Variants in SLC39A14 observed in about 807,000 individuals in gnomAD.
SLC39A14 encodes the protein metal cation symporter ZIP14.
A neutral mutation model predicts 45.5 loss-of-function variants in SLC39A14; 19 were observed. That is an observed-to-expected ratio of 0.42 (90% CI 0.29 to 0.61). The LOEUF (loss-of-function observed/expected upper bound fraction) is 0.61, where lower values mean the gene tolerates loss of function less well. Ranked by LOEUF, SLC39A14 falls within the 20% of genes least tolerant of loss-of-function variation. The pLI is 0.22. For missense variants in SLC39A14, 447 were observed against 616.5 expected (o/e 0.73, Z 2.91); for synonymous variants, 264 against 251.3 (o/e 1.05, Z -0.48).
chr8:22,422,257 G>C lies in SLC39A14; in HGVS notation c.*2559G>C, dbSNP rs369656436. The stretch of plus-strand genomic sequence containing the variant: ...TGTATGTCACGTGCAGGAACAGTGA[G>C]GCAGGGACAGGGGTTCTGCTCCTTC... On this transcript the variant is annotated 3_prime_UTR_variant, in exon 9 of 9. Coordinates refer to ENST00000381237, the MANE Select transcript of SLC39A14 (RefSeq NM_001128431.4). The C allele has an allele frequency of 1.0e-6, 1 of 985,416 alleles. No homozygotes were observed. The allele number at this position is 985,416 out of a possible 1,614,324, so 61.0% of individuals were successfully genotyped here.
At chr8:22,396,281 C>T (rs1024278365) in intron 1 of SLC39A14, among the ~76,000 whole-genome samples, 13 of 150,764 alleles carry the variant, frequency 8.6e-5, no homozygotes, top group Admixed American at 4.0e-4. Context: ...GCAGGAGAAT[C>T]GCTTGAACCC....
intron 8 of SLC39A14, among the ~76,000 whole-genome samples, chr8:22,432,158 C>A (rs1013476341): frequency 6.6e-5 from 10 of 152,070 alleles, no homozygotes; most frequent in Middle Eastern, 3.4e-3. Flanking sequence ...TAGGAAGACC[C>A]CCCATCTCTA....
At chr8:22,390,028 AGGAAGC>A (rs1213937947) in intron 1 of SLC39A14, 1 of 157,034 alleles carries the variant, frequency 6.4e-6, no homozygotes, top group African/African-American at 2.4e-5. Context: ...CACGCGTTCC[AGGAAGC>A]GGTCTTGGCT....
rs869157776 is a variant in SLC39A14 at position 22,368,486 on chromosome 8, CTTTTATTTTATTTTA to C, written c.-16+1116_-16+1130del. On this transcript the variant is annotated intron_variant, in intron 1 of 8. Coordinates refer to ENST00000381237, the MANE Select transcript of SLC39A14 (RefSeq NM_001128431.4). The stretch of plus-strand genomic sequence containing the variant: ...ATATACAATTCCGTAATCCTTCCCT[CTTTTATTTTATTTTA>C]TTTTATTTTATTTTATTTTATTTTA... 6.9e-3 allele frequency among the ~76,000 whole-genome samples: 1,015 copies of C among 147,636 alleles called. 7 individuals are homozygous for C. The highest frequency in any genetic ancestry group is 0.011 in the Non-Finnish European group (763 of 66,768).
In SLC39A14 at chr8:22,422,415, A is replaced by G; in HGVS notation, c.*2717A>G. On this transcript the variant is annotated 3_prime_UTR_variant, in exon 9 of 9. Transcript: ENST00000381237. ...AAAAAGAAGGCTTCTCTGTTTGGGT[A>G]GCGTAAGAGCTGAGTATAGTAAGTC... 1.0e-6 allele frequency: 1 copy of G among 985,860 alleles called. No individual in the cohort carries two copies. Among genetic ancestry groups the G allele is most frequent in the Non-Finnish European group, 1.2e-6 (1 of 829,920 alleles). The allele number at this position is 985,860 out of a possible 1,614,324, so 61.1% of individuals were successfully genotyped here.
chr8:22,423,795 T>TCTCC (rs1836332634), downstream of SLC39A14, among the ~76,000 whole-genome samples: 1 of 148,844 alleles, frequency 6.7e-6, no homozygotes, highest in African/African-American at 2.5e-5. Flanking sequence ...TTTCTCTCTC[T>TCTCC]CTCTCTCTCT....
chr8:22,411,688 G>A (rs1835577356), intron 3 of SLC39A14, among the ~76,000 whole-genome samples: 1 of 152,172 alleles, frequency 6.6e-6, no homozygotes, highest in South Asian at 2.1e-4. Flanking sequence ...TGACGAGGCA[G>A]CACCCTGCCC....
At chr8:22,382,672 C>T (rs1395304143) in intron 1 of SLC39A14, among the ~76,000 whole-genome samples, 1 of 152,036 alleles carries the variant, frequency 6.6e-6, no homozygotes, top group Non-Finnish European at 1.5e-5. Flanking sequence ...GACCCTGACT[C>T]TATTTAAAAA....
chr8:22,373,411 G>A (rs2132160338), intron 1 of SLC39A14, among the ~76,000 whole-genome samples: 1 of 152,198 alleles, frequency 6.6e-6, no homozygotes, highest in South Asian at 2.1e-4. Context: ...TATAATAGGT[G>A]TAACTTAAAT....
At chr8:22,384,388 C>T (rs1265890957) in intron 1 of SLC39A14, among the ~76,000 whole-genome samples, 1 of 150,734 alleles carries the variant, frequency 6.6e-6, no homozygotes, top group African/African-American at 2.4e-5. Flanking sequence ...CCTGCCCGCC[C>T]GGGCCTCTCT....
At chr8:22,377,772 G>C (rs1367483542) in intron 1 of SLC39A14, among the ~76,000 whole-genome samples, 1 of 152,126 alleles carries the variant, frequency 6.6e-6, no homozygotes, top group Non-Finnish European at 1.5e-5. Flanking sequence ...ACTCGCCTTT[G>C]AGATGATAAC....
rs869157776 is a variant in SLC39A14, at chr8:22,368,486, C to CTTTTATTTTATTTTATTTTA, written c.-16+1111_-16+1130dup. On this transcript the variant is annotated intron_variant, in intron 1 of 8. Coordinates refer to ENST00000381237, the MANE Select transcript of SLC39A14 (RefSeq NM_001128431.4). ...ATATACAATTCCGTAATCCTTCCCT[C>CTTTTATTTTATTTTATTTTA]TTTTATTTTATTTTATTTTATTTTA... Among the ~76,000 whole-genome samples, 120 of 147,636 alleles carry CTTTTATTTTATTTTATTTTA rather than the reference C, an allele frequency of 8.1e-4. 1 individual carries two copies. The highest frequency in any genetic ancestry group is 2.9e-3 in the African/African-American group (115 of 40,028).
At chr8:22,386,093 C>G (rs1833775622) in intron 1 of SLC39A14, among the ~76,000 whole-genome samples, 1 of 151,990 alleles carries the variant, frequency 6.6e-6, no homozygotes, top group African/African-American at 2.4e-5. Flanking sequence ...GTGTGCACCA[C>G]TACGCCTGGC....
chr8:22,386,464 G>A (rs1372841714), intron 1 of SLC39A14, among the ~76,000 whole-genome samples: 1 of 149,728 alleles, frequency 6.7e-6, no homozygotes, highest in East Asian at 2.0e-4. Context: ...ATGGGGTTTC[G>A]CCATGTTAGC....
At chr8:22,409,168 T>TTG (rs1352839845) in intron 3 of SLC39A14, among the ~76,000 whole-genome samples, 2 of 152,036 alleles carry the variant, frequency 1.3e-5, no homozygotes, top group African/African-American at 4.8e-5. Context: ...GAGGCTGCAC[T>TTG]TGGCCCCTGA....
intron 1 of SLC39A14, among the ~76,000 whole-genome samples, chr8:22,369,808 G>A (rs111430536): frequency 0.023 from 3,480 of 152,170 alleles, 149 homozygotes; most frequent in African/African-American, 0.079. Flanking sequence ...CATTCTCATC[G>A]TCATAATTTT....
intron 8 of SLC39A14, among the ~76,000 whole-genome samples, chr8:22,433,540 CTTTTT>C (rs555154342): frequency 4.2e-5 from 5 of 118,242 alleles, no homozygotes; most frequent in Admixed American, 8.9e-5. Flanking sequence ...TTATTTTATG[CTTTTT>C]TTTTTTTTTT....
At chr8:22,378,842 A>T (rs1021821290) in intron 1 of SLC39A14, among the ~76,000 whole-genome samples, 2 of 152,228 alleles carry the variant, frequency 1.3e-5, no homozygotes, top group African/African-American at 2.4e-5. Context: ...TGCCAGCTGC[A>T]GCTGAACATG....
At chr8:22,408,580 C>G (rs1395078003) in intron 3 of SLC39A14, 84 bp downstream of exon 3, 1 of 1,285,714 alleles carries the variant, frequency 7.8e-7, no homozygotes, top group African/African-American at 1.5e-5. Flanking sequence ...GCTGCTGCTC[C>G]TCACTGAATG....
Sources: gnomAD v4.1 joint callset for allele counts (sites outside exome capture counted in the v4.1 genomes callset) on GRCh38, gnomAD v4.1.1 for gene constraint, MANE v1.5 for transcripts, NCBI Gene and HGNC (gene_info 2026-07-23, HGNC 2026-07-21) for gene names.